The following GALNTL6 variants were observed in gnomAD, a reference collection of about 807,000 sequenced individuals.
GALNTL6 encodes the protein polypeptide N-acetylgalactosaminyltransferase-like 6.
In GALNTL6, 46 loss-of-function variants were observed where a neutral mutation model predicts 73.7. That is an observed-to-expected ratio of 0.62 (90% confidence interval 0.49 to 0.80). GALNTL6 has a LOEUF of 0.80. Among genes scored for constraint, GALNTL6 ranks in the 30% least tolerant of loss-of-function variants. The pLI is 0.00. For missense variants in GALNTL6, 604 were observed against 755.0 expected, an observed-to-expected ratio of 0.80 and a Z score of 2.34; for synonymous variants, 259 against 263.7, an observed-to-expected ratio of 0.98 and a Z score of 0.17.
intron 8 of GALNTL6, among the ~76,000 whole-genome samples, chr4:172,887,567 T>G (rs1157426418): frequency 6.7e-6 from 1 of 148,288 alleles, no homozygotes; most frequent in African/African-American, 2.6e-5. Flanking sequence ...TTTATTTATT[T>G]ATTTATTTAT....
intron 2 of GALNTL6, among the ~76,000 whole-genome samples, chr4:171,990,551 T>A (rs7692002): frequency 0.048 from 7,336 of 152,236 alleles, 350 homozygotes; most frequent in African/African-American, 0.12. Context: ...GTGACCCTAA[T>A]TGTCTGAAGT....
intron 7 of GALNTL6, among the ~76,000 whole-genome samples, chr4:172,819,590 C>T (rs1373373908): frequency 1.3e-5 from 2 of 152,132 alleles, no homozygotes; most frequent in South Asian, 2.1e-4. Flanking sequence ...TTCTTTCACA[C>T]GTGATGAAGG....
chr4:172,601,828 G>C (rs949393056), intron 5 of GALNTL6, among the ~76,000 whole-genome samples: 1 of 147,736 alleles, frequency 6.8e-6, no homozygotes, highest in African/African-American at 2.6e-5. Flanking sequence ...AGAAATAGTG[G>C]CTGAAATTTA....
At chr4:172,502,365 A>G (rs1292625043) in intron 5 of GALNTL6, among the ~76,000 whole-genome samples, 4 of 152,216 alleles carry the variant, frequency 2.6e-5, no homozygotes, top group Admixed American at 1.3e-4. Flanking sequence ...CTCATGAACT[A>G]TCTCTTTACT....
intron 7 of GALNTL6, among the ~76,000 whole-genome samples, chr4:172,829,895 T>A (rs1449893400): frequency 6.6e-6 from 1 of 152,182 alleles, no homozygotes; most frequent in Non-Finnish European, 1.5e-5. Flanking sequence ...TCAAAGGAAA[T>A]CTAATTCCAC....
At chr4:172,905,628 G>T (rs1241505559) in intron 8 of GALNTL6, among the ~76,000 whole-genome samples, 5 of 151,882 alleles carry the variant, frequency 3.3e-5, no homozygotes, top group Non-Finnish European at 5.9e-5. Context: ...TTTACTATTT[G>T]TGCCTAAGAT....
intron 2 of GALNTL6, among the ~76,000 whole-genome samples, chr4:171,864,170 C>T (rs1382920387): frequency 6.6e-6 from 1 of 152,174 alleles, no homozygotes; most frequent in African/African-American, 2.4e-5. Context: ...TTAACATTCT[C>T]ACTCTTGTAA....
intron 2 of GALNTL6, among the ~76,000 whole-genome samples, chr4:171,897,380 A>T (rs2110936724): frequency 6.6e-6 from 1 of 152,360 alleles, no homozygotes; most frequent in Middle Eastern, 3.4e-3. Context: ...ATTGTCAATG[A>T]GAAGACAGTG....
At chr4:172,321,085 A>G (rs1374427217) in intron 4 of GALNTL6, among the ~76,000 whole-genome samples, 1 of 152,168 alleles carries the variant, frequency 6.6e-6, no homozygotes, top group African/African-American at 2.4e-5. Context: ...GTTTGATTTT[A>G]TTATTGTTGT....
At chr4:172,011,754 TATA>T (rs1741014582) in intron 2 of GALNTL6, among the ~76,000 whole-genome samples, 1 of 151,958 alleles carries the variant, frequency 6.6e-6, no homozygotes, top group Non-Finnish European at 1.5e-5. Context: ...AAGAATAAAA[TATA>T]ATATGAAATA....
intron 5 of GALNTL6, among the ~76,000 whole-genome samples, chr4:172,569,888 T>A (rs969338915): frequency 2.0e-5 from 3 of 152,088 alleles, no homozygotes; most frequent in African/African-American, 7.2e-5. Context: ...GAAGAATCCA[T>A]CCACAGATTT....
chr4:172,384,428 A>C (rs141336702), intron 5 of GALNTL6, among the ~76,000 whole-genome samples: 1 of 151,868 alleles, frequency 6.6e-6, no homozygotes, highest in African/African-American at 2.4e-5. Flanking sequence ...TTTTTTTTTA[A>C]ATTTCTCTAA....
intron 7 of GALNTL6, among the ~76,000 whole-genome samples, chr4:172,845,190 C>G (rs1743425390): frequency 6.9e-6 from 1 of 145,250 alleles, no homozygotes; most frequent in South Asian, 2.2e-4. Flanking sequence ...TGCACTCCAG[C>G]CTGGTGGCAG....
intron 5 of GALNTL6, among the ~76,000 whole-genome samples, chr4:172,480,046 T>C (rs1733386237): frequency 6.6e-6 from 1 of 152,210 alleles, no homozygotes; most frequent in South Asian, 2.1e-4. Context: ...GTGGCCAGGC[T>C]GGGTACAGTG....
At chr4:172,137,328 CTT>C (rs1733665258) in intron 2 of GALNTL6, among the ~76,000 whole-genome samples, 1 of 152,104 alleles carries the variant, frequency 6.6e-6, no homozygotes. Context: ...TATATATACA[CTT>C]TACACTCTAC....
At chr4:171,924,223 C>CAG (rs1429718696) in intron 2 of GALNTL6, among the ~76,000 whole-genome samples, 14 of 151,676 alleles carry the variant, frequency 9.2e-5, no homozygotes, top group African/African-American at 3.4e-4. Flanking sequence ...CAAACACACA[C>CAG]ACACAGAGTT....
At chr4:172,562,475 C>T (rs1437039607) in intron 5 of GALNTL6, among the ~76,000 whole-genome samples, 3 of 152,208 alleles carry the variant, frequency 2.0e-5, no homozygotes, top group African/African-American at 7.2e-5. Flanking sequence ...CCTTAGTCTC[C>T]ATGCACAAGG....
intron 5 of GALNTL6, among the ~76,000 whole-genome samples, chr4:172,545,903 G>GATATGCA (rs1452003579): frequency 2.0e-5 from 3 of 152,128 alleles, no homozygotes; most frequent in African/African-American, 4.8e-5. Flanking sequence ...AATGAGACAA[G>GATATGCA]ATATGCAACT....
In GALNTL6 at chr4:171,835,194, G is replaced by A. The variant is rs1405430260; in HGVS notation, c.138+20476G>A. Among the ~76,000 whole-genome samples the A allele has an allele frequency of 2.0e-5, 3 of 151,960 alleles. No individual in the cohort carries two copies. The East Asian group carries it at 5.8e-4, about 29-fold the overall frequency. Reference sequence around the variant, plus strand: ...TCTATGGCTTTCTATTTTTATTTCTGCAAGAAAAGAATATTAATATTCTAC... The same window carrying A: ...TCTATGGCTTTCTATTTTTATTTCTACAAGAAAAGAATATTAATATTCTAC... On this transcript the variant is annotated intron_variant, in intron 2 of 12. Transcript: ENST00000506823.
Sources: gnomAD v4.1 joint callset for allele counts (sites outside exome capture counted in the v4.1 genomes callset) on GRCh38, gnomAD v4.1.1 for gene constraint, MANE v1.5 for transcripts, NCBI Gene and HGNC (gene_info 2026-07-23, HGNC 2026-07-21) for gene names.